Variants in CFAP299 observed in about 807,000 individuals in gnomAD.
CFAP299 encodes the protein cilia and flagella associated protein 299, also known as cilia- and flagella-associated protein 299.
A neutral mutation model predicts 27.0 loss-of-function variants in CFAP299; 21 were observed. That is an observed-to-expected ratio of 0.78 (90% CI 0.55 to 1.12). CFAP299 has a LOEUF of 1.12. Ranked by LOEUF, CFAP299 falls within the 50% of genes most tolerant of loss-of-function variation. The probability of loss-of-function intolerance (pLI) is 0.00; values close to 1 mark genes in which losing one functional copy is unlikely to be tolerated. For synonymous variants in CFAP299, 104 were observed against 98.1 expected, an observed-to-expected ratio of 1.06 and a Z score of -0.36; for missense variants, 310 against 276.6, an observed-to-expected ratio of 1.12 and a Z score of -0.86.
chr4:80,394,967 A>G (rs971023587), intron 2 of CFAP299, among the ~76,000 whole-genome samples: 11 of 151,958 alleles, frequency 7.2e-5, no homozygotes, highest in African/African-American at 2.2e-4. Context: ...TGAAAATTCC[A>G]TTGGAATTTT....
At chr4:80,742,091 G>C (rs1484374597) in intron 3 of CFAP299, among the ~76,000 whole-genome samples, 1 of 152,118 alleles carries the variant, frequency 6.6e-6, no homozygotes, top group Non-Finnish European at 1.5e-5. Flanking sequence ...TCACTTCAAG[G>C]ATTCAAGACT....
intron 3 of CFAP299, among the ~76,000 whole-genome samples, chr4:80,730,307 G>C (rs1723444035): frequency 7.4e-6 from 1 of 134,984 alleles, no homozygotes; most frequent in Admixed American, 7.2e-5. Flanking sequence ...TGTATGACCT[G>C]ACCTCCGGGC....
chr4:80,937,492 T>C (rs1736972405), intron 4 of CFAP299, among the ~76,000 whole-genome samples: 4 of 151,750 alleles, frequency 2.6e-5, no homozygotes, highest in South Asian at 2.1e-4. Context: ...AATGTTTTTG[T>C]ATTTTTTGTA....
intron 2 of CFAP299, among the ~76,000 whole-genome samples, chr4:80,430,873 C>T (rs1171767592): frequency 6.6e-6 from 1 of 152,194 alleles, no homozygotes. Context: ...CCATTCTAGC[C>T]TCTTTGCTGT....
rs1740940159 is a variant in CFAP299 at position 80,662,985 on chromosome 4, C to T, written c.333+79802C>T. Among the ~76,000 whole-genome samples, 3 of 151,440 alleles carry T rather than the reference C, an allele frequency of 2.0e-5. No individual in the cohort carries two copies. The South Asian group carries it at 6.3e-4, about 32-fold the overall frequency. On this transcript the variant is annotated intron_variant, in intron 3 of 5. Coordinates refer to ENST00000358105, the MANE Select transcript of CFAP299 (RefSeq NM_152770.3). ...GTCACTGGGAATTTACTTATCTTGTCTCTGAAGAATCCTTTTTCTCAGGCT... is the reference window on the plus strand; with the variant it reads ...GTCACTGGGAATTTACTTATCTTGTTTCTGAAGAATCCTTTTTCTCAGGCT...
At chr4:80,691,909 CAGAG>C (rs1720729455) in intron 3 of CFAP299, among the ~76,000 whole-genome samples, 2 of 152,076 alleles carry the variant, frequency 1.3e-5, no homozygotes, top group Admixed American at 6.6e-5. Flanking sequence ...AACAGACAAA[CAGAG>C]AGCCAAATCA....
intron 3 of CFAP299, among the ~76,000 whole-genome samples, chr4:80,740,605 G>A (rs1424720857): frequency 6.6e-6 from 1 of 152,162 alleles, no homozygotes; most frequent in Non-Finnish European, 1.5e-5. Flanking sequence ...CCAAGACCCT[G>A]CACTTCAGGG....
intron 5 of CFAP299, among the ~76,000 whole-genome samples, chr4:80,950,253 A>AC (rs5859743): frequency 0.28 from 40,724 of 145,470 alleles, 5,579 homozygotes; most frequent in African/African-American, 0.35. Context: ...TCTTCCCTCC[A>AC]CCCCCCCCCT....
intron 3 of CFAP299, among the ~76,000 whole-genome samples, chr4:80,600,302 G>A (rs1055104566): frequency 1.3e-5 from 2 of 151,950 alleles, no homozygotes; most frequent in Non-Finnish European, 2.9e-5. Flanking sequence ...CTTCCTCTAC[G>A]TGAATGAACT....
intron 3 of CFAP299, among the ~76,000 whole-genome samples, chr4:80,617,356 T>C (rs1738344267): frequency 1.3e-5 from 2 of 152,120 alleles, no homozygotes; most frequent in African/African-American, 4.8e-5. Context: ...CTGGCTTACC[T>C]TGAGCTTGAC....
At chr4:80,834,561 T>C (rs1379696786) in intron 3 of CFAP299, among the ~76,000 whole-genome samples, 2 of 152,210 alleles carry the variant, frequency 1.3e-5, no homozygotes, top group African/African-American at 4.8e-5. Context: ...GTCCAGTCTG[T>C]TTCTGACACT....
chr4:80,497,698 T>C (rs1731526350), intron 2 of CFAP299, among the ~76,000 whole-genome samples: 1 of 152,158 alleles, frequency 6.6e-6, no homozygotes, highest in Non-Finnish European at 1.5e-5. Context: ...GAAACTTATT[T>C]TTTAGCCTTA....
intron 3 of CFAP299, among the ~76,000 whole-genome samples, chr4:80,632,489 G>T (rs1485807753): frequency 6.6e-6 from 1 of 151,966 alleles, no homozygotes; most frequent in Non-Finnish European, 1.5e-5. Flanking sequence ...GCTAGCTACA[G>T]GTAATAAAAC....
At chr4:80,662,006 G>C (rs1461043241) in intron 3 of CFAP299, among the ~76,000 whole-genome samples, 2 of 152,152 alleles carry the variant, frequency 1.3e-5, no homozygotes, top group Non-Finnish European at 2.9e-5. Flanking sequence ...ATTTTGGTCA[G>C]ACTGGTTGTC....
chr4:80,416,280 A>G (rs538032062), intron 2 of CFAP299, among the ~76,000 whole-genome samples: 44 of 152,346 alleles, frequency 2.9e-4, no homozygotes, highest in Middle Eastern at 3.4e-3. Flanking sequence ...TTGTTATGTA[A>G]CAAACATGTT....
At chr4:80,624,096 C>G (rs1022658146) in intron 3 of CFAP299, among the ~76,000 whole-genome samples, 1 of 152,034 alleles carries the variant, frequency 6.6e-6, no homozygotes, top group Non-Finnish European at 1.5e-5. Context: ...CTACAAATAT[C>G]AAGAACAATC....
At chr4:80,674,939 T>G (rs917562217) in intron 3 of CFAP299, among the ~76,000 whole-genome samples, 5 of 152,128 alleles carry the variant, frequency 3.3e-5, no homozygotes, top group African/African-American at 4.8e-5. Context: ...TTTTTCAAGG[T>G]TTTTAGCTTC....
intron 2 of CFAP299, among the ~76,000 whole-genome samples, chr4:80,579,099 G>C (rs1736034407): frequency 6.6e-6 from 1 of 152,118 alleles, no homozygotes; most frequent in South Asian, 2.1e-4. Flanking sequence ...TCATATTCAA[G>C]AAGTTCAGCT....
intron 2 of CFAP299, among the ~76,000 whole-genome samples, chr4:80,429,877 C>T (rs1483729150): frequency 1.3e-5 from 2 of 151,806 alleles, no homozygotes; most frequent in Non-Finnish European, 2.9e-5. Context: ...TGTAAAGGCA[C>T]AAGGCTTAGG....
Sources: gnomAD v4.1 joint callset for allele counts (sites outside exome capture counted in the v4.1 genomes callset) on GRCh38, gnomAD v4.1.1 for gene constraint, MANE v1.5 for transcripts, NCBI Gene and HGNC (gene_info 2026-07-23, HGNC 2026-07-21) for gene names.